The following SLC37A1 variants were observed in gnomAD, a reference collection of about 807,000 sequenced individuals.
The protein encoded by SLC37A1 is glucose-6-phosphate exchanger SLC37A1.
In SLC37A1, 49 loss-of-function variants were observed where a neutral mutation model predicts 75.3. The ratio of observed to expected loss-of-function variants is 0.65; its 90% CI spans 0.52 to 0.83. The LOEUF is 0.83. Among genes scored for constraint, SLC37A1 ranks in the 40% least tolerant of loss-of-function variants. The pLI is 0.00. For missense variants in SLC37A1, 566 were observed against 695.0 expected (o/e 0.81, Z 2.09); for synonymous variants, 268 against 292.1 (o/e 0.92, Z 0.84).
intron 1 of SLC37A1, 92 bp from the exon 2 acceptor site, chr21:42,518,185 G>A (rs1052917449): frequency 1.3e-5 from 6 of 479,760 alleles, no homozygotes; most frequent in Non-Finnish European, 1.9e-5. Context: ...ACTGGGTACT[G>A]CTACTGTACG....
intron 2 of SLC37A1, chr21:42,503,086 C>T (rs1268116713): frequency 6.6e-6 from 1 of 151,844 alleles, no homozygotes; most frequent in African/African-American, 2.4e-5. Flanking sequence ...TTATATGGTG[C>T]ACATGTCAAA....
chr21:42,543,370 C>A, intron 7 of SLC37A1, 66 bp from the exon 8 acceptor site: 1 of 1,593,874 alleles, frequency 6.3e-7, no homozygotes, highest in South Asian at 1.1e-5. Context: ...CTGCTGCGCC[C>A]TGCACTGCTG....
At chr21:42,555,812 T>C (rs539201179) in intron 10 of SLC37A1, among the ~76,000 whole-genome samples, 41 of 152,362 alleles carry the variant, frequency 2.7e-4, no homozygotes, top group African/African-American at 7.5e-4. Context: ...GTTATGTAAG[T>C]AAAGGCACTG....
chr21:42,554,056 T>A lies in SLC37A1; in HGVS notation c.769-6T>A, dbSNP rs1348792945. 2.5e-6 allele frequency: 4 copies of A among 1,602,382 alleles called. No individual in the cohort carries two copies. Among genetic ancestry groups the A allele is most frequent in the Admixed American group, 1.7e-5 (1 of 57,816 alleles). ...ATCGCTCTAATGAAACTTTTTTTTT[T>A]ACCAGCACTCAAAAGGCTATGAGAA... On this transcript the variant is annotated splice_polypyrimidine_tract_variant and splice_region_variant and intron_variant, in intron 9 of 19. Coordinates refer to ENST00000352133, the MANE Select transcript of SLC37A1 (RefSeq NM_001320537.2).
At chr21:42,566,891 C>A in intron 15 of SLC37A1, 94 bp from the exon 16 acceptor site, 1 of 1,290,492 alleles carries the variant, frequency 7.7e-7, no homozygotes, top group Non-Finnish European at 1.1e-6. Flanking sequence ...CATCCCCTCC[C>A]TGTGCTCCCC....
At position 42,575,302 on chromosome 21, in the gene SLC37A1, A is replaced by AG. The variant is rs1273719742; in HGVS notation, c.1521+388dup. 2.7e-5 allele frequency: 27 copies of AG among 985,374 alleles called. No individual in the cohort carries two copies. In the African/African-American group the frequency reaches 4.0e-4, roughly 15 times the overall value. The allele number at this position is 985,374 out of a possible 1,614,324, so 61.0% of individuals were successfully genotyped here. On this transcript the variant is annotated intron_variant, in intron 18 of 19. Transcript: ENST00000352133. Reference sequence around the variant, plus strand: ...ACAAGATTGTTGTGGGAATTAAAGCAGATGATACACAGAGCCTGGCCTCCC... The same window carrying AG: ...ACAAGATTGTTGTGGGAATTAAAGCAGGATGATACACAGAGCCTGGCCTCCC...
At chr21:42,574,337 T>A (rs964659145) in intron 17 of SLC37A1, among the ~76,000 whole-genome samples, 3 of 152,262 alleles carry the variant, frequency 2.0e-5, no homozygotes, top group African/African-American at 7.2e-5. Context: ...GAGTGTTGGA[T>A]GAAAAGAATG....
chr21:42,562,592 C>T (rs1406797063), intron 12 of SLC37A1, among the ~76,000 whole-genome samples: 6 of 152,150 alleles, frequency 3.9e-5, no homozygotes, highest in Non-Finnish European at 4.4e-5. Flanking sequence ...TTTGGCAGGG[C>T]CGACAGTTTG....
intron 17 of SLC37A1, among the ~76,000 whole-genome samples, chr21:42,571,369 C>T (rs1431118579): frequency 2.0e-5 from 3 of 152,212 alleles, no homozygotes; most frequent in African/African-American, 7.2e-5. Context: ...TGCTTAGAAT[C>T]GCAGAGGTTG....
Position 42,568,651 on chromosome 21 carries a change from G to A in SLC37A1, c.1423+213G>A, listed in dbSNP as rs367564026. On this transcript the variant is annotated intron_variant, in intron 17 of 19. Coordinates refer to ENST00000352133, the MANE Select transcript of SLC37A1 (RefSeq NM_001320537.2). ...CAGAGAGACGGGCGTGTGACTAGCT[G>A]TGCGTGTCCAGGTTTTCACCCGAGG... Among the ~76,000 whole-genome samples, 585 of 152,292 alleles carry A rather than the reference G, an allele frequency of 3.8e-3. 5 individuals are homozygous for A. Among genetic ancestry groups the A allele is most frequent in the Admixed American group, 9.9e-3 (152 of 15,302 alleles).
intron 5 of SLC37A1, 139 bp downstream of exon 5, chr21:42,535,689 C>G: frequency 1.1e-5 from 8 of 725,770 alleles, no homozygotes; most frequent in Non-Finnish European, 1.9e-5. Flanking sequence ...GTTCCCTTCC[C>G]AAAGACGAGG....
intron 19 of SLC37A1, 73 bp downstream of exon 19, chr21:42,579,873 T>C (rs453592): frequency 0.72 from 1,028,575 of 1,436,608 alleles, 376,215 homozygotes; most frequent in Admixed American, 0.83. Context: ...ATCTGCCTTC[T>C]GCACCTGGCT....
intron 18 of SLC37A1, chr21:42,575,955 C>T: frequency 2.0e-6 from 2 of 984,972 alleles, no homozygotes; most frequent in Non-Finnish European, 2.4e-6. Context: ...TACAACTGTT[C>T]AGAGAATCTG....
At chr21:42,510,007 T>C (rs1054638935), upstream of SLC37A1, among the ~76,000 whole-genome samples, 1 of 152,220 alleles carries the variant, frequency 6.6e-6, no homozygotes, top group African/African-American at 2.4e-5. Flanking sequence ...CTTAAGTTGA[T>C]GGCATACAAG....
chr21:42,528,741 A>G (rs532934018), intron 3 of SLC37A1, among the ~76,000 whole-genome samples: 2 of 152,380 alleles, frequency 1.3e-5, no homozygotes, highest in South Asian at 2.1e-4. Context: ...AGGCAGGAGA[A>G]TAGCTTGAAT....
In SLC37A1 at chr21:42,518,547, G is replaced by C. The variant is rs372995240; in HGVS notation, c.56+37G>C. 5.6e-6 allele frequency: 9 copies of C among 1,611,824 alleles called. No individual in the cohort carries two copies. The African/African-American group carries it at 8.0e-5, about 14-fold the overall frequency. On this transcript the variant is annotated intron_variant, in intron 2 of 19. Coordinates refer to ENST00000352133, the MANE Select transcript of SLC37A1 (RefSeq NM_001320537.2). Reference sequence around the variant, plus strand: ...TGGGGCAGGCCCTTGGCATGGAGCTGTGTATAGGTGAGGGCTACTGTGCAG... The same window carrying C: ...TGGGGCAGGCCCTTGGCATGGAGCTCTGTATAGGTGAGGGCTACTGTGCAG...
At chr21:42,503,558 T>A (rs545483649) in intron 2 of SLC37A1, among the ~76,000 whole-genome samples, 2 of 152,230 alleles carry the variant, frequency 1.3e-5, no homozygotes, top group Non-Finnish European at 2.9e-5. Context: ...CTCCATTTTG[T>A]TTTTAAGAAA....
At chr21:42,521,795 T>A (rs758130252) in intron 2 of SLC37A1, among the ~76,000 whole-genome samples, 7 of 152,270 alleles carry the variant, frequency 4.6e-5, no homozygotes, top group Middle Eastern at 3.2e-3. Context: ...ATTTGTTTTA[T>A]ATTCATAAGT....
intron 13 of SLC37A1, among the ~76,000 whole-genome samples, chr21:42,564,227 A>AAAAAG (rs2055913636): frequency 6.6e-6 from 1 of 150,902 alleles, no homozygotes; most frequent in African/African-American, 2.4e-5. Flanking sequence ...TCTCTACAAA[A>AAAAAG]AAAAAAAAAA....
Sources: allele counts gnomAD v4.1 joint callset (sites outside exome capture counted in the v4.1 genomes callset), GRCh38; gene constraint gnomAD v4.1.1; transcripts MANE v1.5; gene names NCBI Gene and HGNC (gene_info 2026-07-23, HGNC 2026-07-21).